The following CHRM2 variants were observed in gnomAD, a reference collection of about 807,000 sequenced individuals.
CHRM2 encodes the protein muscarinic acetylcholine receptor M2.
Under a neutral mutation model 25.0 loss-of-function variants are expected in CHRM2, and 8 were observed. The ratio of observed to expected loss-of-function variants is 0.32; its 90% confidence interval spans 0.19 to 0.58. The LOEUF is 0.58. Ranked by LOEUF, CHRM2 falls within the 20% of genes least tolerant of loss-of-function variation. The pLI is 0.88. For missense variants in CHRM2, 440 were observed against 567.1 expected, an observed-to-expected ratio of 0.78 and a Z score of 2.28; for synonymous variants, 202 against 205.7, an observed-to-expected ratio of 0.98 and a Z score of 0.15.
At chr7:136,882,935 T>C (rs894217836) in intron 2 of CHRM2, among the ~76,000 whole-genome samples, 1 of 152,164 alleles carries the variant, frequency 6.6e-6, no homozygotes, top group African/African-American at 2.4e-5. Context: ...ATGGATTTAG[T>C]ACAGTTTCCT....
chr7:136,984,985 T>C (rs1217087732), intron 2 of CHRM2, among the ~76,000 whole-genome samples: 1 of 152,088 alleles, frequency 6.6e-6, no homozygotes, highest in Non-Finnish European at 1.5e-5. Flanking sequence ...TCTCCCAGAC[T>C]TATTTGACAG....
rs180949021 is a variant in CHRM2, at chr7:136,929,314, T to C, written c.-125+59896T>C. On this transcript the variant is annotated intron_variant, in intron 2 of 3. Coordinates refer to ENST00000680005, the MANE Select transcript of CHRM2 (RefSeq NM_001006630.2). ...ACAGAGCAAAGAAAGTGTGTGTCTC[T>C]TGCCCCCTTAATTTTTGTGGACCCA... 2.0e-3 allele frequency among the ~76,000 whole-genome samples: 297 copies of C among 152,012 alleles called. 2 individuals are homozygous for C. The highest frequency in any genetic ancestry group is 6.9e-3 in the African/African-American group (284 of 41,412).
intron 2 of CHRM2, among the ~76,000 whole-genome samples, chr7:136,954,493 A>G (rs750408102): frequency 1.3e-5 from 2 of 152,172 alleles, no homozygotes; most frequent in Non-Finnish European, 2.9e-5. Flanking sequence ...TCTAAACTTA[A>G]TAACATAGTT....
chr7:136,884,216 C>T (rs1041955304), intron 2 of CHRM2, among the ~76,000 whole-genome samples: 7 of 152,066 alleles, frequency 4.6e-5, no homozygotes, highest in South Asian at 2.1e-4. Context: ...TTTTATAAAA[C>T]GACATCAAAA....
At chr7:136,933,618 G>T (rs1799238972) in intron 2 of CHRM2, among the ~76,000 whole-genome samples, 1 of 152,066 alleles carries the variant, frequency 6.6e-6, no homozygotes, top group African/African-American at 2.4e-5. Context: ...GTTTGTACAT[G>T]AATGTTCACA....
At chr7:137,009,190 A>G (rs1450705864) in intron 3 of CHRM2, among the ~76,000 whole-genome samples, 1 of 152,104 alleles carries the variant, frequency 6.6e-6, no homozygotes, top group Non-Finnish European at 1.5e-5. Context: ...GTGTGAAGAA[A>G]ATTCCATTTG....
In CHRM2 at chr7:137,015,747, T is replaced by A. The variant is rs755364385; in HGVS notation, c.882T>A (p.Ser294=). ...NDSTSVSAVA[S]NMRDDEITQD... ...CCACCTCAGTCAGTGCTGTTGCCTC[T>A]AATATGAGAGATGATGAAATAACCC... The change falls in exon 4 of 4, where the codon TCT becomes TCA. Residue 294 remains serine (S), a synonymous_variant. Coordinates refer to ENST00000680005, the MANE Select transcript of CHRM2 (RefSeq NM_001006630.2). This position sits in a 1 kb window ranked among gnomAD's most constrained non-coding sequence, Gnocchi z 5.1. The A allele has an allele frequency of 1.9e-6, 3 of 1,613,200 alleles. No individual in the cohort carries two copies. The Admixed American group carries it at 5.0e-5, about 27-fold the overall frequency.
At chr7:136,919,566 A>T (rs1379936181) in intron 2 of CHRM2, among the ~76,000 whole-genome samples, 1 of 152,046 alleles carries the variant, frequency 6.6e-6, no homozygotes, top group Non-Finnish European at 1.5e-5. Flanking sequence ...TATTCTAATA[A>T]GTCCTTCAAA....
intron 3 of CHRM2, among the ~76,000 whole-genome samples, chr7:136,993,603 C>G (rs1803377495): frequency 6.6e-6 from 1 of 152,164 alleles, no homozygotes; most frequent in Non-Finnish European, 1.5e-5. Flanking sequence ...GCAAACAACT[C>G]TAGCCCAGTG....
intron 2 of CHRM2, among the ~76,000 whole-genome samples, chr7:136,888,520 ATC>A (rs1796560052): frequency 6.6e-6 from 1 of 152,002 alleles, no homozygotes; most frequent in Non-Finnish European, 1.5e-5. Context: ...CACACCAATC[ATC>A]AGCATTCACC....
At position 136,902,212 on chromosome 7, in the gene CHRM2, TATCCATCCATCCATCC is replaced by T. The variant is rs66478666; in HGVS notation, c.-125+32822_-125+32837del. 137 of 150,348 alleles carry T rather than the reference TATCCATCCATCCATCC, an allele frequency of 9.1e-4. 1 individual carries two copies. Among genetic ancestry groups the T allele is most frequent in the Admixed American group, 8.6e-3 (130 of 15,046 alleles). 9.3% of individuals were successfully genotyped at this position (150,348 alleles called of 1,614,324 possible). A position where few individuals can be genotyped will look rare whatever the true frequency, so the allele number is the denominator to read the frequency against. On this transcript the variant is annotated intron_variant, in intron 2 of 3. Coordinates refer to ENST00000680005, the MANE Select transcript of CHRM2 (RefSeq NM_001006630.2). ...TCATCTATCTATCTATCGATCTATCTATCCATCCATCCATCCATCCATCCATCCATCCATCCATCCA... is the reference window on the plus strand; with the variant it reads ...TCATCTATCTATCTATCGATCTATCTATCCATCCATCCATCCATCCATCCA...
At chr7:136,898,264 A>C (rs1310995288) in intron 2 of CHRM2, among the ~76,000 whole-genome samples, 2 of 152,142 alleles carry the variant, frequency 1.3e-5, no homozygotes, top group African/African-American at 4.8e-5. Flanking sequence ...GAAAAACAAA[A>C]ACTTATCAGT....
At chr7:136,948,284 G>A (rs923855460) in intron 2 of CHRM2, among the ~76,000 whole-genome samples, 6 of 152,154 alleles carry the variant, frequency 3.9e-5, no homozygotes, top group South Asian at 2.1e-4. Context: ...GTCTTTCTAC[G>A]GTGGTTGAGA....
intron 2 of CHRM2, among the ~76,000 whole-genome samples, chr7:136,900,920 T>C (rs1797169458): frequency 6.6e-6 from 1 of 151,998 alleles, no homozygotes; most frequent in East Asian, 1.9e-4. Flanking sequence ...GTACCAAGAA[T>C]GTGAGCTACA....
intron 2 of CHRM2, among the ~76,000 whole-genome samples, chr7:136,985,520 A>AC (rs1563108420): frequency 2.0e-5 from 3 of 151,506 alleles, no homozygotes; most frequent in African/African-American, 7.3e-5. Context: ...AAAAAAAAAA[A>AC]AAAAAAAACA....
In CHRM2 at chr7:137,019,232, G is replaced by A. The variant is rs903556310; in HGVS notation, c.*2966G>A. 2.8e-4 allele frequency: 43 copies of A among 151,806 alleles called. No individual in the cohort carries two copies. The highest frequency in any genetic ancestry group is 5.2e-4 in the Non-Finnish European group (35 of 67,868). 9.4% of individuals were successfully genotyped at this position (151,806 alleles called of 1,614,324 possible). A position where few individuals can be genotyped will look rare whatever the true frequency, so the allele number is the denominator to read the frequency against. On this transcript the variant is annotated 3_prime_UTR_variant, in exon 4 of 4. Coordinates refer to ENST00000680005, the MANE Select transcript of CHRM2 (RefSeq NM_001006630.2). ...GCAAATTCCTCACCTGTTAGAAAAAGGTAATACTCACCAACCATGTATCAG... is the reference window on the plus strand; with the variant it reads ...GCAAATTCCTCACCTGTTAGAAAAAAGTAATACTCACCAACCATGTATCAG...
rs575503805 is a variant in CHRM2 at position 136,911,626 on chromosome 7, C to G, written c.-125+42208C>G. On this transcript the variant is annotated intron_variant, in intron 2 of 3. Transcript: ENST00000680005. ...GACTGCACTTGGTGACGAGAGAACT[C>G]AGCAACTAGTCACAATCTAGGTCAT... Among the ~76,000 whole-genome samples the G allele has an allele frequency of 9.9e-5, 15 of 152,034 alleles. No homozygotes were observed. In the East Asian group the frequency reaches 2.7e-3, roughly 28 times the overall value.
chr7:136,955,278 A>G (rs1800656834), intron 2 of CHRM2, among the ~76,000 whole-genome samples: 1 of 152,152 alleles, frequency 6.6e-6, no homozygotes. Context: ...CTCAATTCTT[A>G]TGAAGCATGC....
At chr7:136,974,527 C>T (rs918348039) in intron 2 of CHRM2, among the ~76,000 whole-genome samples, 3 of 152,036 alleles carry the variant, frequency 2.0e-5, no homozygotes, top group Non-Finnish European at 4.4e-5. Context: ...AGTAGTGAGG[C>T]TTTCCAAGTA....
Sources: allele counts gnomAD v4.1 joint callset (sites outside exome capture counted in the v4.1 genomes callset), GRCh38; gene constraint gnomAD v4.1.1; non-coding constraint Gnocchi (gnomAD v3.1); transcripts MANE v1.5; gene names NCBI Gene and HGNC (gene_info 2026-07-23, HGNC 2026-07-21).